EDNRB: variants seen among roughly 807,000 people sequenced by gnomAD.
The protein encoded by EDNRB is endothelin receptor type B.
EDNRB carries 18 observed loss-of-function variants against 46.4 expected under a neutral mutation model. The ratio of observed to expected loss-of-function variants is 0.39; its 90% confidence interval spans 0.27 to 0.57. EDNRB has a LOEUF of 0.57. Ranked by LOEUF, EDNRB falls within the 20% of genes least tolerant of loss-of-function variation. EDNRB has a pLI of 0.61. For synonymous variants in EDNRB, 213 were observed against 204.9 expected (o/e 1.04, Z -0.34); for missense variants, 434 against 537.5 (o/e 0.81, Z 1.90).
At position 77,896,673 on chromosome 13, in the gene EDNRB, A is replaced by G. The variant is rs1203850673; in HGVS notation, c.*1527T>C. 2 of 1,463,148 alleles carry G rather than the reference A, an allele frequency of 1.4e-6. No homozygotes were observed. Among genetic ancestry groups the G allele is most frequent in the African/African-American group, 1.4e-5 (1 of 69,380 alleles). 90.6% of individuals were successfully genotyped at this position (1,463,148 alleles called of 1,614,324 possible). Reference sequence around the variant, plus strand: ...AGAACATTGCACTGTGTTTTGCTGGAACAAAATCAGGACCTTTTGCATTGA... The same window carrying G: ...AGAACATTGCACTGTGTTTTGCTGGGACAAAATCAGGACCTTTTGCATTGA... On this transcript the variant is annotated 3_prime_UTR_variant, in exon 7 of 7. Transcript: ENST00000646607.
intron 4 of EDNRB, 34 bp from the exon 5 acceptor site, chr13:77,900,688 T>C: frequency 1.2e-6 from 2 of 1,611,618 alleles, no homozygotes; most frequent in Non-Finnish European, 1.7e-6. Context: ...CCTTAAAAGA[T>C]GGCTCATTTT....
intron 1 of EDNRB, among the ~76,000 whole-genome samples, chr13:77,903,965 T>G (rs1476345025): frequency 4.0e-5 from 6 of 151,668 alleles, no homozygotes; most frequent in Non-Finnish European, 5.9e-5. Flanking sequence ...CAAAGCAAAA[T>G]ATGGGTTAAT....
chr13:77,957,536 A>G (rs577904719), intron 1 of EDNRB, among the ~76,000 whole-genome samples: 124 of 152,186 alleles, frequency 8.1e-4, no homozygotes, highest in African/African-American at 2.7e-3. Flanking sequence ...CCTAATTTTT[A>G]TTTTCCCAGT....
chr13:77,899,733 T>C, intron 6 of EDNRB, 126 bp downstream of exon 6: 4 of 729,478 alleles, frequency 5.5e-6, no homozygotes, highest in Non-Finnish European at 9.1e-6. Flanking sequence ...AAATCATCCA[T>C]GATGTAATAA....
chr13:77,896,147 C>A lies in EDNRB; in HGVS notation c.*2053G>T, dbSNP rs2137594768. ...TTTTATTATAAATAATGCAAGTATG[C>A]TTTTTGTGTGTAGTTTCAAAATTTG... On this transcript the variant is annotated 3_prime_UTR_variant, in exon 7 of 7. Coordinates refer to ENST00000646607, the MANE Select transcript of EDNRB (RefSeq NM_001122659.3). The A allele has an allele frequency of 6.1e-6, 1 of 164,916 alleles. No homozygotes were observed. The highest frequency in any genetic ancestry group is 2.0e-4 in the South Asian group (1 of 4,992). 10.2% of individuals were successfully genotyped at this position (164,916 alleles called of 1,614,324 possible).
intron 1 of EDNRB, among the ~76,000 whole-genome samples, chr13:77,926,888 C>G (rs931256052): frequency 6.6e-6 from 1 of 152,178 alleles, no homozygotes; most frequent in Non-Finnish European, 1.5e-5. Flanking sequence ...GCGAAAGACA[C>G]TTCTTACATG....
At chr13:77,909,046 T>C (rs542695760) in intron 1 of EDNRB, among the ~76,000 whole-genome samples, 3 of 152,090 alleles carry the variant, frequency 2.0e-5, no homozygotes, top group South Asian at 4.1e-4. Flanking sequence ...ATGTTTGTGC[T>C]GACCCATTTT....
intron 1 of EDNRB, among the ~76,000 whole-genome samples, chr13:77,951,474 C>T (rs1881087176): frequency 6.6e-6 from 1 of 151,940 alleles, no homozygotes; most frequent in Non-Finnish European, 1.5e-5. Flanking sequence ...CTTTTTGTTC[C>T]CAATGTTTCA....
chr13:77,954,858 T>C (rs929517503), intron 1 of EDNRB, among the ~76,000 whole-genome samples: 17 of 152,156 alleles, frequency 1.1e-4, no homozygotes, highest in Admixed American at 8.5e-4. Flanking sequence ...AATTTCTGTA[T>C]CCTTCATTTG....
In EDNRB at chr13:77,918,701, G is replaced by T. The variant is rs199894559; in HGVS notation, c.-128C>A. ...CCAAGTCGCTGCAAACGCTAATACC[G>T]CCCGCAGCCTCTTCGCCAGTATCCA... On this transcript the variant is annotated 5_prime_UTR_variant, in exon 1 of 7. Transcript: ENST00000646607. The surrounding 1 kb of genome is among the most constrained non-coding windows in gnomAD (Gnocchi z 4.5). 4 of 1,376,474 alleles carry T rather than the reference G, an allele frequency of 2.9e-6. No individual in the cohort carries two copies. Among genetic ancestry groups the T allele is most frequent in the African/African-American group, 2.9e-5 (2 of 67,934 alleles). 85.3% of individuals were successfully genotyped at this position (1,376,474 alleles called of 1,614,324 possible).
At position 77,918,196 on chromosome 13, in the gene EDNRB, G is replaced by A. The variant is rs201526942; in HGVS notation, c.378C>T (p.Ile126=). 6.8e-6 allele frequency: 11 copies of A among 1,614,116 alleles called. No homozygotes were observed. Among genetic ancestry groups the A allele is most frequent in the Non-Finnish European group, 9.3e-6 (11 of 1,180,020 alleles). The change falls in exon 1 of 7, where the codon ATC becomes ATT. Residue 126 remains isoleucine (I), a synonymous_variant. Transcript: ENST00000646607. The surrounding 1 kb of genome is among the most constrained non-coding windows in gnomAD (Gnocchi z 4.5). ...CGTTTCGCATGCACTTGTTCTTGTAGATAATTCTCAGAAGTGTGGAGTTCC... is the reference window on the plus strand; with the variant it reads ...CGTTTCGCATGCACTTGTTCTTGTAAATAATTCTCAGAAGTGTGGAGTTCC... The part of the protein sequence containing the change: ...IIGNSTLLRI[I]YKNKCMRNGP...
At position 77,897,230 on chromosome 13, in the gene EDNRB, A is replaced by C. The variant is rs568596507; in HGVS notation, c.*970T>G. 4 of 985,272 alleles carry C rather than the reference A, an allele frequency of 4.1e-6. No individual in the cohort carries two copies. In the African/African-American group the frequency reaches 5.2e-5, roughly 13 times the overall value. The allele number at this position is 985,272 out of a possible 1,614,324, so 61.0% of individuals were successfully genotyped here. On this transcript the variant is annotated 3_prime_UTR_variant, in exon 7 of 7. Coordinates refer to ENST00000646607, the MANE Select transcript of EDNRB (RefSeq NM_001122659.3). The stretch of plus-strand genomic sequence containing the variant: ...ATGAGCACAGGGCCTGCCCTCATTT[A>C]ATCATCTACATGCAGTGTATGTAGG...
chr13:77,964,476 T>C (rs1555295298), intron 1 of EDNRB, among the ~76,000 whole-genome samples: 1 of 152,176 alleles, frequency 6.6e-6, no homozygotes, highest in Non-Finnish European at 1.5e-5. Flanking sequence ...ATGTCCTTTG[T>C]TGAGACATGG....
chr13:77,965,441 A>C (rs867325231), intron 1 of EDNRB, among the ~76,000 whole-genome samples: 7 of 152,228 alleles, frequency 4.6e-5, no homozygotes, highest in Admixed American at 2.0e-4. Context: ...ATCTTAGAAC[A>C]AGAAGAGAAA....
intron 1 of EDNRB, among the ~76,000 whole-genome samples, chr13:77,903,999 T>C (rs1879143476): frequency 6.6e-6 from 1 of 151,964 alleles, no homozygotes; most frequent in African/African-American, 2.4e-5. Context: ...TAAACAGTCC[T>C]TAGCTGAGGA....
At position 77,904,709 on chromosome 13, in the gene EDNRB, AG is replaced by A. The variant is rs1566308405; in HGVS notation, c.484-1103del. Among the ~76,000 whole-genome samples the A allele has an allele frequency of 1.2e-4, 18 of 152,074 alleles. 1 individual carries two copies. Among genetic ancestry groups the A allele is most frequent in the African/African-American group, 4.3e-4 (18 of 41,534 alleles). On this transcript the variant is annotated intron_variant, in intron 1 of 6. Transcript: ENST00000646607. ...ATTAAATGTGGTTATTTTCTTTCTT[AG>A]GACAATATGGTGTGTCCCACACTGG... is the stretch of plus-strand genomic sequence containing the variant.
chr13:77,945,170 A>G (rs1383217708), intron 1 of EDNRB, among the ~76,000 whole-genome samples: 1 of 152,188 alleles, frequency 6.6e-6, no homozygotes, highest in Admixed American at 6.5e-5. Flanking sequence ...ACTGAGGTGT[A>G]CATGTGTACA....
intron 1 of EDNRB, among the ~76,000 whole-genome samples, chr13:77,957,044 T>C (rs1449114533): frequency 6.6e-6 from 1 of 152,216 alleles, no homozygotes; most frequent in Non-Finnish European, 1.5e-5. Flanking sequence ...ACAGTATCTT[T>C]GTGATTTGTG....
intron 1 of EDNRB, among the ~76,000 whole-genome samples, chr13:77,936,354 T>C (rs1224373270): frequency 3.9e-5 from 6 of 152,080 alleles, no homozygotes; most frequent in Non-Finnish European, 1.5e-5. Context: ...TAAAAGAGTA[T>C]TGTCTAAGTT....
Sources: gnomAD v4.1 joint callset for allele counts (sites outside exome capture counted in the v4.1 genomes callset) on GRCh38, gnomAD v4.1.1 for gene constraint, Gnocchi (gnomAD v3.1) non-coding constraint, MANE v1.5 for transcripts, NCBI Gene and HGNC (gene_info 2026-07-23, HGNC 2026-07-21) for gene names.